The following GSE1 variants were observed in gnomAD, a reference collection of about 807,000 sequenced individuals.
GSE1 encodes the protein Gse1 coiled-coil protein.
In GSE1, 32 loss-of-function variants were observed where a neutral mutation model predicts 112.6. That is an observed-to-expected ratio of 0.28 (90% CI 0.21 to 0.38). GSE1 has a LOEUF of 0.38. GSE1 is among the 10% of genes least tolerant of loss of function. The pLI is 1.00. For missense variants in GSE1, 2,348 were observed against 1,699.2 expected (o/e 1.38, Z -6.71); for synonymous variants, 1,115 against 735.6 (o/e 1.52, Z -8.35).
chr16:85,321,559 G>A (rs760589493), intron 1 of GSE1, among the ~76,000 whole-genome samples: 2 of 152,038 alleles, frequency 1.3e-5, no homozygotes, highest in Admixed American at 6.6e-5. Context: ...ATTTGAGCCC[G>A]GGGGAGTTTG....
intron 2 of GSE1, among the ~76,000 whole-genome samples, chr16:85,645,725 G>A (rs1029606685): frequency 1.1e-4 from 17 of 152,232 alleles, no homozygotes; most frequent in African/African-American, 4.1e-4. Context: ...CGGAACCAAG[G>A]CCAGGTCTGA....
intron 8 of GSE1, among the ~76,000 whole-genome samples, chr16:85,658,867 G>A (rs1172654194): frequency 1.3e-5 from 2 of 152,222 alleles, no homozygotes; most frequent in African/African-American, 4.8e-5. Flanking sequence ...CCCATGGACT[G>A]CTTCCAGCCA....
intron 2 of GSE1, among the ~76,000 whole-genome samples, chr16:85,467,136 C>T (rs559463424): frequency 6.6e-5 from 10 of 152,316 alleles, no homozygotes; most frequent in South Asian, 2.1e-4. Context: ...AGCAGCTGGG[C>T]GAGCATGCAG....
intron 11 of GSE1, chr16:85,664,732 C>A (rs773368469): frequency 8.8e-6 from 3 of 341,036 alleles, no homozygotes; most frequent in Admixed American, 4.5e-5. Flanking sequence ...TCGCACGTCA[C>A]CACCGAGGTC....
At chr16:85,662,507 AAGG>A (rs1567751351) in intron 9 of GSE1, 1 of 154,154 alleles carries the variant, frequency 6.5e-6, no homozygotes, top group African/African-American at 2.4e-5. Context: ...TCACTTTGTA[AAGG>A]AGGAGGGAGA....
chr16:85,493,688 G>C (rs1440377756), intron 2 of GSE1, among the ~76,000 whole-genome samples: 2 of 151,938 alleles, frequency 1.3e-5, no homozygotes, highest in Non-Finnish European at 2.9e-5. Context: ...GGGAGGCGGA[G>C]GTGGAGGTGG....
chr16:85,400,600 G>A (rs918723654), intron 2 of GSE1, among the ~76,000 whole-genome samples: 2 of 147,288 alleles, frequency 1.4e-5, no homozygotes, highest in African/African-American at 5.0e-5. Flanking sequence ...GTGTATGAGT[G>A]TATGTCTATG....
chr16:85,475,337 T>G (rs974597368), intron 2 of GSE1, among the ~76,000 whole-genome samples: 5 of 152,196 alleles, frequency 3.3e-5, no homozygotes, highest in African/African-American at 1.2e-4. Flanking sequence ...CAGGGCTGCC[T>G]GTACCTGGGT....
Position 85,398,632 on chromosome 16 carries a change from C to T in GSE1, c.2464+40989C>T, listed in dbSNP as rs999300495. Among the ~76,000 whole-genome samples, 2 of 152,106 alleles carry T rather than the reference C, an allele frequency of 1.3e-5. 1 individual carries two copies. Among genetic ancestry groups the T allele is most frequent in the African/African-American group, 4.8e-5 (2 of 41,396 alleles). On this transcript the variant is annotated intron_variant, in intron 2 of 2. Transcript: ENST00000637419. ...CGACAAACCGCTGCATGACTCTGGACCTCAGTTTCCCCAGCTATAAAGTGG... is the reference window on the plus strand; with the variant it reads ...CGACAAACCGCTGCATGACTCTGGATCTCAGTTTCCCCAGCTATAAAGTGG...
chr16:85,237,661 AC>A (rs1904797433), intron 1 of GSE1, among the ~76,000 whole-genome samples: 2 of 151,890 alleles, frequency 1.3e-5, no homozygotes, highest in South Asian at 4.2e-4. Context: ...ACAAGGTGAA[AC>A]CCCGTCTCTA....
At chr16:85,285,976 C>T (rs2045012566) in intron 1 of GSE1, 1 of 152,368 alleles carries the variant, frequency 6.6e-6, no homozygotes. Context: ...GAGTGAGGCC[C>T]ACTATCTTGG....
upstream of GSE1, chr16:85,555,814 TC>T: frequency 1.1e-6 from 1 of 948,988 alleles, no homozygotes; most frequent in Non-Finnish European, 1.3e-6. Context: ...GTTTTTTTTT[TC>T]TTTCCCCCCT....
intron 3 of GSE1, among the ~76,000 whole-genome samples, chr16:85,650,941 A>C (rs1051365170): frequency 1.3e-5 from 2 of 151,780 alleles, no homozygotes. Context: ...AATGAGATGA[A>C]AAAGCCTGTT....
chr16:85,305,887 C>T (rs1054781772), intron 1 of GSE1, among the ~76,000 whole-genome samples: 4 of 152,012 alleles, frequency 2.6e-5, no homozygotes, highest in Non-Finnish European at 1.5e-5. Context: ...GCCGGGAGTT[C>T]GAGACCAGCC....
intron 2 of GSE1, among the ~76,000 whole-genome samples, chr16:85,390,785 T>C (rs543124658): frequency 7.1e-6 from 1 of 140,024 alleles, no homozygotes; most frequent in East Asian, 2.3e-4. Flanking sequence ...CCTGCTGAAA[T>C]ATTTACCTCC....
chr16:85,356,369 C>G (rs1310876240), intron 1 of GSE1, among the ~76,000 whole-genome samples: 6 of 152,260 alleles, frequency 3.9e-5, no homozygotes, highest in Admixed American at 2.6e-4. Context: ...GGTCCGTTCC[C>G]TTGGCAGGGG....
At position 85,390,673 on chromosome 16, in the gene GSE1, C is replaced by T. The variant is rs1285917618; in HGVS notation, c.2464+33030C>T. On this transcript the variant is annotated intron_variant, in intron 2 of 2. Coordinates refer to the GSE1 transcript ENST00000637419. The stretch of plus-strand genomic sequence containing the variant: ...CTTGGACGCTAGTGTTCCCGTACCC[C>T]CGCCTTGTCCCCCCCACCGCCTTGT... Among the ~76,000 whole-genome samples, 3 of 145,374 alleles carry T rather than the reference C, an allele frequency of 2.1e-5. No homozygotes were observed. In the Admixed American group the frequency reaches 2.1e-4, roughly 10 times the overall value.
chr16:85,518,768 T>C (rs1245758147), intron 2 of GSE1, among the ~76,000 whole-genome samples: 2 of 151,936 alleles, frequency 1.3e-5, no homozygotes, highest in African/African-American at 4.8e-5. Flanking sequence ...ACCGTGGGTT[T>C]AGCACCCCTG....
intron 1 of GSE1, among the ~76,000 whole-genome samples, chr16:85,568,818 C>T (rs1030942872): frequency 7.9e-5 from 12 of 152,320 alleles, no homozygotes; most frequent in African/African-American, 2.6e-4. Flanking sequence ...TCTTGACCCC[C>T]TGGATCACCC....
Sources: gnomAD v4.1 joint callset for allele counts (sites outside exome capture counted in the v4.1 genomes callset) on GRCh38, gnomAD v4.1.1 for gene constraint, MANE v1.5 for transcripts, NCBI Gene and HGNC (gene_info 2026-07-23, HGNC 2026-07-21) for gene names.